Variants in ASIC2 observed in about 807,000 individuals in gnomAD.
ASIC2 encodes acid sensing ion channel subunit 2.
In ASIC2, 25 loss-of-function variants were observed where a neutral mutation model predicts 57.3. The observed-to-expected ratio is 0.44, with a 90% CI of 0.32 to 0.61. The LOEUF (loss-of-function observed/expected upper bound fraction) is 0.61. ASIC2 is among the 20% of genes least tolerant of loss of function. The pLI is 0.06. For synonymous variants in ASIC2, 319 were observed against 307.5 expected (o/e 1.04, Z -0.39); for missense variants, 641 against 738.1 (o/e 0.87, Z 1.52).
chr17:33,408,390 G>T (rs575799512), intron 1 of ASIC2, among the ~76,000 whole-genome samples: 1 of 152,170 alleles, frequency 6.6e-6, no homozygotes, highest in Non-Finnish European at 1.5e-5. Context: ...GGGAGGGCAG[G>T]ATACTTCAGT....
chr17:33,974,168 A>G (rs1242294255), intron 1 of ASIC2, among the ~76,000 whole-genome samples: 7 of 152,012 alleles, frequency 4.6e-5, no homozygotes, highest in African/African-American at 1.4e-4. Context: ...AGCTCTGGGA[A>G]GTGGAAAGCA....
intron 1 of ASIC2, among the ~76,000 whole-genome samples, chr17:33,205,937 C>A (rs1907044216): frequency 6.6e-6 from 1 of 152,178 alleles, no homozygotes; most frequent in African/African-American, 2.4e-5. Context: ...GATCTGGCAA[C>A]AAGAATGCAC....
intron 1 of ASIC2, among the ~76,000 whole-genome samples, chr17:33,526,762 C>T (rs1314629948): frequency 2.0e-5 from 3 of 152,150 alleles, no homozygotes; most frequent in Non-Finnish European, 4.4e-5. Context: ...GCTGCCCACC[C>T]CTTCTCCTCC....
chr17:33,440,584 A>C (rs889909657), intron 1 of ASIC2, among the ~76,000 whole-genome samples: 1 of 152,238 alleles, frequency 6.6e-6, no homozygotes, highest in African/African-American at 2.4e-5. Flanking sequence ...CCAGCAAAGA[A>C]AGAGGGTTCC....
chr17:33,423,145 A>G (rs1911102671), intron 1 of ASIC2, among the ~76,000 whole-genome samples: 2 of 152,210 alleles, frequency 1.3e-5, no homozygotes, highest in African/African-American at 4.8e-5. Context: ...ATGGCCATAC[A>G]TTAGACTCAC....
At chr17:34,135,716 C>T (rs1406846788) in intron 1 of ASIC2, among the ~76,000 whole-genome samples, 1 of 152,114 alleles carries the variant, frequency 6.6e-6, no homozygotes, top group Admixed American at 6.5e-5. Context: ...ACATCAAGGA[C>T]TTGCACTCCA....
chr17:33,861,826 A>G (rs916499642), intron 1 of ASIC2, among the ~76,000 whole-genome samples: 1 of 152,216 alleles, frequency 6.6e-6, no homozygotes, highest in Admixed American at 6.5e-5. Context: ...TAGATGCAAT[A>G]TCCCTGCACA....
intron 1 of ASIC2, among the ~76,000 whole-genome samples, chr17:33,487,959 C>T (rs1023248845): frequency 2.0e-5 from 3 of 152,182 alleles, no homozygotes; most frequent in African/African-American, 7.2e-5. Context: ...ACTGATCCAC[C>T]ACTGGCTTCC....
intron 1 of ASIC2, among the ~76,000 whole-genome samples, chr17:33,605,363 T>C (rs56346733): frequency 0.021 from 3,175 of 152,246 alleles, 55 homozygotes; most frequent in East Asian, 0.071. Flanking sequence ...CTCAGTGATA[T>C]GCAAAAAGAG....
At chr17:33,194,428 G>A (rs73279724) in intron 1 of ASIC2, among the ~76,000 whole-genome samples, 1,900 of 152,254 alleles carry the variant, frequency 0.012, 30 homozygotes, top group African/African-American at 0.044. Flanking sequence ...TCAAATGACA[G>A]GATAGATATG....
intron 1 of ASIC2, among the ~76,000 whole-genome samples, chr17:34,090,001 C>T (rs1241998190): frequency 2.6e-5 from 4 of 152,180 alleles, no homozygotes; most frequent in Non-Finnish European, 5.9e-5. Flanking sequence ...GGCCTCTGAC[C>T]GGAGCCTCAT....
chr17:33,723,537 C>T (rs1909449381), intron 1 of ASIC2, among the ~76,000 whole-genome samples: 1 of 152,144 alleles, frequency 6.6e-6, no homozygotes, highest in South Asian at 2.1e-4. Flanking sequence ...CCCTGTTGGC[C>T]AGGCTTGTCT....
intron 1 of ASIC2, among the ~76,000 whole-genome samples, chr17:33,728,462 T>G (rs1909633440): frequency 6.6e-6 from 1 of 152,158 alleles, no homozygotes; most frequent in Non-Finnish European, 1.5e-5. Context: ...GACCCCTAGC[T>G]CTCTCTTACC....
chr17:33,676,947 G>C (rs1424423323), intron 1 of ASIC2, among the ~76,000 whole-genome samples: 13 of 152,154 alleles, frequency 8.5e-5, no homozygotes, highest in Admixed American at 8.5e-4. Flanking sequence ...CTGAGATCTG[G>C]TTAAGTTTGT....
intron 1 of ASIC2, among the ~76,000 whole-genome samples, chr17:33,376,070 A>C (rs1240563579): frequency 6.6e-6 from 1 of 152,166 alleles, no homozygotes; most frequent in Non-Finnish European, 1.5e-5. Context: ...GGGAATTGTT[A>C]GTATATGTTT....
intron 1 of ASIC2, among the ~76,000 whole-genome samples, chr17:33,163,823 G>T (rs1905229480): frequency 6.6e-6 from 1 of 152,166 alleles, no homozygotes; most frequent in African/African-American, 2.4e-5. Context: ...GGCAGGACCT[G>T]TTGCAGTGTT....
At chr17:34,114,745 G>A (rs1278519138) in intron 1 of ASIC2, among the ~76,000 whole-genome samples, 1 of 152,162 alleles carries the variant, frequency 6.6e-6, no homozygotes, top group Non-Finnish European at 1.5e-5. Context: ...AAAGGGTGGA[G>A]GCACAGACAC....
At chr17:33,587,113 C>T (rs1173934380) in intron 1 of ASIC2, among the ~76,000 whole-genome samples, 4 of 152,234 alleles carry the variant, frequency 2.6e-5, no homozygotes, top group African/African-American at 9.6e-5. Flanking sequence ...AGCCTATTCA[C>T]TTACATATGT....
At chr17:33,018,452 T>G (rs1744807285) in intron 7 of ASIC2, among the ~76,000 whole-genome samples, 1 of 152,210 alleles carries the variant, frequency 6.6e-6, no homozygotes, top group Admixed American at 6.5e-5. Context: ...AGAACCACTC[T>G]CCTGGGAGGA....
Sources: allele counts gnomAD v4.1 joint callset (sites outside exome capture counted in the v4.1 genomes callset), GRCh38; gene constraint gnomAD v4.1.1; transcripts MANE v1.5; gene names NCBI Gene and HGNC (gene_info 2026-07-23, HGNC 2026-07-21).